The following PPM1E variants were observed in gnomAD, a reference collection of about 807,000 sequenced individuals.
The protein encoded by PPM1E is protein phosphatase, Mg2+/Mn2+ dependent 1E.
Under a neutral mutation model 65.9 loss-of-function variants are expected in PPM1E, and 20 were observed. The observed-to-expected ratio is 0.30, with a 90% CI of 0.21 to 0.44. PPM1E has a LOEUF of 0.44. Ranked by LOEUF, PPM1E falls within the 20% of genes least tolerant of loss-of-function variation. PPM1E has a pLI of 1.00. For missense variants in PPM1E, 713 were observed against 953.1 expected, an observed-to-expected ratio of 0.75 and a Z score of 3.32; for synonymous variants, 352 against 374.9, an observed-to-expected ratio of 0.94 and a Z score of 0.70.
intron 1 of PPM1E, among the ~76,000 whole-genome samples, chr17:58,873,624 C>T (rs1248775985): frequency 6.0e-5 from 9 of 149,440 alleles, no homozygotes; most frequent in Admixed American, 5.4e-4. Flanking sequence ...GTCAGGGTCT[C>T]ACTTTGTCAC....
intron 1 of PPM1E, chr17:58,951,041 G>C (rs1005332097): frequency 6.6e-6 from 1 of 152,164 alleles, no homozygotes; most frequent in Non-Finnish European, 1.5e-5. Context: ...GCCTCCCAAA[G>C]TGCTGGGATT....
chr17:58,955,557 AATGTTATAATTAAT>A (rs770603283), intron 1 of PPM1E, 78 bp from the exon 2 acceptor site: 1 of 1,415,190 alleles, frequency 7.1e-7, no homozygotes, highest in Non-Finnish European at 9.8e-7. Context: ...GTTTTGAGAC[AATGTTATAATTAAT>A]ATGTAATTAT....
chr17:58,873,356 A>G (rs1035508723), intron 1 of PPM1E, among the ~76,000 whole-genome samples: 2 of 152,146 alleles, frequency 1.3e-5, no homozygotes, highest in African/African-American at 4.8e-5. Flanking sequence ...TTTTAAAATG[A>G]TCTCAGTTCC....
At chr17:58,950,303 T>C (rs986736556) in intron 1 of PPM1E, among the ~76,000 whole-genome samples, 15 of 152,140 alleles carry the variant, frequency 9.9e-5, no homozygotes, top group African/African-American at 3.6e-4. Context: ...CAGGTTGCAG[T>C]GAGCCGAAAA....
chr17:58,801,910 C>T (rs961891569), intron 1 of PPM1E, among the ~76,000 whole-genome samples: 1 of 152,094 alleles, frequency 6.6e-6, no homozygotes, highest in African/African-American at 2.4e-5. Context: ...GCACATGCCA[C>T]CACCTCCAGG....
chr17:58,966,418 TAAAAAAAAAAAAAAAAAAAAAAACCC>T (rs2030255154), intron 3 of PPM1E: 1 of 120,378 alleles, frequency 8.3e-6, no homozygotes, highest in Non-Finnish European at 1.5e-5. Flanking sequence ...AGCAGTTTTG[TAAAAAAAAAAAAAAAAAAAAAAACCC>T]AAACTATTTC....
At chr17:58,902,705 A>T in intron 1 of PPM1E, among the ~76,000 whole-genome samples, 1 of 152,212 alleles carries the variant, frequency 6.6e-6, no homozygotes, top group East Asian at 1.9e-4. Flanking sequence ...ATCAACTGCC[A>T]TCATTGTTTT....
At chr17:58,800,058 G>A (rs1017047283) in intron 1 of PPM1E, among the ~76,000 whole-genome samples, 2 of 152,106 alleles carry the variant, frequency 1.3e-5, no homozygotes, top group South Asian at 4.1e-4. Context: ...AAATCAATTA[G>A]CAAAGAAAGT....
chr17:58,916,981 A>C (rs1211548561), intron 1 of PPM1E, among the ~76,000 whole-genome samples: 1 of 152,224 alleles, frequency 6.6e-6, no homozygotes, highest in African/African-American at 2.4e-5. Context: ...AGGCCAAGGC[A>C]GGTGGATTGC....
chr17:58,924,523 C>G (rs2051798667), intron 1 of PPM1E, among the ~76,000 whole-genome samples: 1 of 152,048 alleles, frequency 6.6e-6, no homozygotes, highest in South Asian at 2.1e-4. Context: ...TGCACTCTAA[C>G]CTGGGCAACA....
At chr17:58,957,357 T>G (rs1489549486) in intron 2 of PPM1E, among the ~76,000 whole-genome samples, 1 of 152,220 alleles carries the variant, frequency 6.6e-6, no homozygotes, top group Non-Finnish European at 1.5e-5. Context: ...ATGCCTACTT[T>G]GGAAGAATTT....
intron 1 of PPM1E, among the ~76,000 whole-genome samples, chr17:58,887,332 T>C (rs1347624554): frequency 6.6e-6 from 1 of 151,850 alleles, no homozygotes; most frequent in Non-Finnish European, 1.5e-5. Flanking sequence ...GCCCAGCTAA[T>C]TTTTTTGTAT....
chr17:58,833,404 A>G (rs979818249), intron 1 of PPM1E, among the ~76,000 whole-genome samples: 1 of 150,704 alleles, frequency 6.6e-6, no homozygotes, highest in Admixed American at 6.7e-5. Context: ...AGAAGTCTTT[A>G]GTTTCTATTG....
rs572749219 is a variant in PPM1E at position 58,795,131 on chromosome 17, A to T, written c.464+38670A>T. 1.6e-4 allele frequency among the ~76,000 whole-genome samples: 24 copies of T among 152,160 alleles called. 1 individual carries two copies. The East Asian group carries it at 3.1e-3, about 20-fold the overall frequency. The stretch of plus-strand genomic sequence containing the variant: ...GGTCTTGAACTCCTGACCTCAAGTG[A>T]TCTGCCTGCCTTGGCCTCCCAAAGT... On this transcript the variant is annotated intron_variant, in intron 1 of 6. Transcript: ENST00000308249.
At chr17:58,932,229 G>T (rs1333187167) in intron 1 of PPM1E, among the ~76,000 whole-genome samples, 1 of 152,182 alleles carries the variant, frequency 6.6e-6, no homozygotes. Context: ...AGCACTTTGA[G>T]AGGCCGAGGT....
intron 1 of PPM1E, among the ~76,000 whole-genome samples, chr17:58,816,794 ATT>A (rs71367634): frequency 0.029 from 475 of 16,518 alleles, 3 homozygotes; most frequent in Middle Eastern, 0.1. Flanking sequence ...ATATATATAT[ATT>A]TTTTTTTTTT....
intron 1 of PPM1E, among the ~76,000 whole-genome samples, chr17:58,816,049 G>A (rs141393377): frequency 0.037 from 5,644 of 151,258 alleles, 157 homozygotes; most frequent in South Asian, 0.092. Flanking sequence ...TTTTGGAGTC[G>A]GAGTCTTGCT....
rs908895664 is a variant in PPM1E at position 58,755,892 on chromosome 17, C to T, written c.-106C>T. The T allele has an allele frequency of 1.2e-5, 19 of 1,527,960 alleles. No individual in the cohort carries two copies. The highest frequency in any genetic ancestry group is 2.6e-5 in the South Asian group (2 of 76,988). 94.7% of individuals were successfully genotyped at this position (1,527,960 alleles called of 1,614,324 possible). The stretch of plus-strand genomic sequence containing the variant: ...CTAGTGCTGATCGCTCGTGCCGGTG[C>T]GGCCGTTAACCGCCCTTGCCGGAGC... On this transcript the variant is annotated 5_prime_UTR_variant, in exon 1 of 7. Coordinates refer to ENST00000308249, the MANE Select transcript of PPM1E (RefSeq NM_014906.5).
intron 1 of PPM1E, among the ~76,000 whole-genome samples, chr17:58,767,118 C>T (rs1236342399): frequency 6.6e-6 from 1 of 152,132 alleles, no homozygotes; most frequent in East Asian, 1.9e-4. Context: ...GCATTGTCTA[C>T]ACCCAAAATA....
Sources: gnomAD v4.1 joint callset for allele counts (sites outside exome capture counted in the v4.1 genomes callset) on GRCh38, gnomAD v4.1.1 for gene constraint, MANE v1.5 for transcripts, NCBI Gene and HGNC (gene_info 2026-07-23, HGNC 2026-07-21) for gene names.